Variants in ARHGAP15 observed in about 807,000 individuals in gnomAD.
ARHGAP15 encodes rho GTPase-activating protein 15.
In ARHGAP15, 51 loss-of-function variants were observed where a neutral mutation model predicts 63.7. The observed-to-expected ratio is 0.80, with a 90% CI of 0.64 to 1.01. ARHGAP15 has a LOEUF of 1.01. Ranked by LOEUF, ARHGAP15 falls within the 50% of genes least tolerant of loss-of-function variation. ARHGAP15 has a pLI of 0.00. For synonymous variants in ARHGAP15, 191 were observed against 193.8 expected (o/e 0.99, Z 0.12); for missense variants, 560 against 564.6 (o/e 0.99, Z 0.08).
intron 10 of ARHGAP15, among the ~76,000 whole-genome samples, chr2:143,535,216 T>A (rs1694700182): frequency 6.6e-6 from 1 of 152,186 alleles, no homozygotes; most frequent in Admixed American, 6.5e-5. Flanking sequence ...AACCACTCTT[T>A]TGAATTCATT....
chr2:143,246,802 G>A (rs897993099), intron 5 of ARHGAP15, among the ~76,000 whole-genome samples: 4 of 152,028 alleles, frequency 2.6e-5, no homozygotes, highest in Admixed American at 1.3e-4. Context: ...AGAAACACAC[G>A]GATAAGAAAA....
At chr2:143,374,342 G>A (rs145293941) in intron 6 of ARHGAP15, among the ~76,000 whole-genome samples, 3 of 151,996 alleles carry the variant, frequency 2.0e-5, no homozygotes, top group South Asian at 2.1e-4. Context: ...GCTTATTCTC[G>A]CCATTTTCCC....
intron 13 of ARHGAP15, among the ~76,000 whole-genome samples, chr2:143,723,638 T>G (rs1685158243): frequency 6.6e-6 from 1 of 152,220 alleles, no homozygotes; most frequent in Non-Finnish European, 1.5e-5. Context: ...GAGCACCTAC[T>G]GTATGCCAGG....
At chr2:143,535,737 C>T (rs956033025) in intron 10 of ARHGAP15, among the ~76,000 whole-genome samples, 1 of 152,190 alleles carries the variant, frequency 6.6e-6, no homozygotes, top group African/African-American at 2.4e-5. Context: ...AACATCAAAA[C>T]TCAAACTCTG....
At chr2:143,397,332 GTGTGTGTGTGTGTGTA>G (rs1687809611) in intron 6 of ARHGAP15, among the ~76,000 whole-genome samples, 1 of 148,688 alleles carries the variant, frequency 6.7e-6, no homozygotes, top group South Asian at 2.2e-4. Flanking sequence ...GTGTGTGTGT[GTGTGTGTGTGTGTGTA>G]TATATATATC....
intron 8 of ARHGAP15, among the ~76,000 whole-genome samples, chr2:143,448,995 C>A (rs1397197938): frequency 1.3e-5 from 2 of 151,982 alleles, no homozygotes; most frequent in Non-Finnish European, 2.9e-5. Flanking sequence ...TGTAAAATAA[C>A]CCTGCATATG....
At chr2:143,337,058 T>C (rs1311659053) in intron 6 of ARHGAP15, among the ~76,000 whole-genome samples, 2 of 151,880 alleles carry the variant, frequency 1.3e-5, no homozygotes, top group African/African-American at 2.4e-5. Flanking sequence ...ATGCAGGTAA[T>C]CTGGTCAAGG....
intron 6 of ARHGAP15, among the ~76,000 whole-genome samples, chr2:143,266,931 C>G (rs139993833): frequency 6.6e-6 from 1 of 152,220 alleles, no homozygotes; most frequent in East Asian, 1.9e-4. Flanking sequence ...TTGTTCAGTT[C>G]CATACTGTCT....
intron 11 of ARHGAP15, among the ~76,000 whole-genome samples, chr2:143,586,121 C>A (rs1697098110): frequency 6.6e-6 from 1 of 151,992 alleles, no homozygotes; most frequent in African/African-American, 2.4e-5. Flanking sequence ...CTGTGAAGTT[C>A]TCTGAGGTCA....
chr2:143,764,850 A>G (rs1686893156), intron 13 of ARHGAP15, among the ~76,000 whole-genome samples: 1 of 152,178 alleles, frequency 6.6e-6, no homozygotes, highest in Admixed American at 6.5e-5. Flanking sequence ...TTGCCCTTTC[A>G]GATTTCCTGG....
intron 10 of ARHGAP15, among the ~76,000 whole-genome samples, chr2:143,553,541 G>T (rs1246298383): frequency 6.6e-6 from 1 of 152,186 alleles, no homozygotes; most frequent in Non-Finnish European, 1.5e-5. Context: ...GGTAGCACAG[G>T]TCTGATTTAC....
chr2:143,379,858 C>T (rs949363564), intron 6 of ARHGAP15, among the ~76,000 whole-genome samples: 14 of 151,814 alleles, frequency 9.2e-5, no homozygotes, highest in Non-Finnish European at 1.8e-4. Context: ...TAAAGACGTT[C>T]TTACTCAACA....
chr2:143,529,067 T>C (rs1694410899), intron 10 of ARHGAP15, among the ~76,000 whole-genome samples: 2 of 152,054 alleles, frequency 1.3e-5, no homozygotes. Context: ...CCCACTCAGA[T>C]CCATGGTCTA....
At chr2:143,450,535 T>G (rs1574467208) in intron 8 of ARHGAP15, among the ~76,000 whole-genome samples, 1 of 152,080 alleles carries the variant, frequency 6.6e-6, no homozygotes. Context: ...TCAAAACTCT[T>G]AGAAGTTACC....
At chr2:143,739,458 T>C (rs1200726779) in intron 13 of ARHGAP15, among the ~76,000 whole-genome samples, 1 of 152,086 alleles carries the variant, frequency 6.6e-6, no homozygotes. Context: ...TATAAGAAAC[T>C]TGAGTGCAGC....
chr2:143,677,857 C>T (rs908118990), intron 12 of ARHGAP15, among the ~76,000 whole-genome samples: 1 of 152,084 alleles, frequency 6.6e-6, no homozygotes, highest in Non-Finnish European at 1.5e-5. Context: ...ATAACTGATA[C>T]ACAATAAAAG....
At position 143,500,410 on chromosome 2, in the gene ARHGAP15, G is replaced by T. The variant is rs547227304; in HGVS notation, c.826+12915G>T. On this transcript the variant is annotated intron_variant, in intron 9 of 13. Coordinates refer to ENST00000295095, the MANE Select transcript of ARHGAP15 (RefSeq NM_018460.4). ...TTCATTTTAAAAAAATTGAATCATTGTGCCTAGCTAGTATGTCCCCACATA... is the reference window on the plus strand; with the variant it reads ...TTCATTTTAAAAAAATTGAATCATTTTGCCTAGCTAGTATGTCCCCACATA... 1.4e-4 allele frequency among the ~76,000 whole-genome samples: 21 copies of T among 151,964 alleles called. No individual in the cohort carries two copies. The South Asian group carries it at 4.2e-3, about 30-fold the overall frequency.
At chr2:143,198,925 G>T (rs1322910353) in intron 2 of ARHGAP15, among the ~76,000 whole-genome samples, 1 of 152,096 alleles carries the variant, frequency 6.6e-6, no homozygotes, top group Non-Finnish European at 1.5e-5. Context: ...TAAGGAAATA[G>T]AACAGGAAAA....
chr2:143,350,725 A>G (rs1294792874), intron 6 of ARHGAP15, among the ~76,000 whole-genome samples: 8 of 149,622 alleles, frequency 5.3e-5, no homozygotes, highest in South Asian at 2.1e-4. Context: ...TGTAGTCCCA[A>G]CTACTCAGAA....
Sources: allele counts gnomAD v4.1 joint callset (sites outside exome capture counted in the v4.1 genomes callset), GRCh38; gene constraint gnomAD v4.1.1; transcripts MANE v1.5; gene names NCBI Gene and HGNC (gene_info 2026-07-23, HGNC 2026-07-21).